PLA2G4B: variants seen among roughly 807,000 people sequenced by gnomAD.
The protein encoded by PLA2G4B is cytosolic phospholipase A2 beta.
In PLA2G4B, 122 loss-of-function variants were observed where a neutral mutation model predicts 95.8. The ratio of observed to expected loss-of-function variants is 1.27; its 90% CI spans 1.10 to 1.48. PLA2G4B has a LOEUF of 1.48. Among genes scored for constraint, PLA2G4B ranks in the 40% most tolerant of loss-of-function variants. PLA2G4B has a pLI of 0.00. For synonymous variants in PLA2G4B, 518 were observed against 421.5 expected, an observed-to-expected ratio of 1.23 and a Z score of -2.80; for missense variants, 1,158 against 996.2, an observed-to-expected ratio of 1.16 and a Z score of -2.19.
At chr15:41,839,864 C>T in intron 1 of PLA2G4B, 1 of 363,850 alleles carries the variant, frequency 2.7e-6, no homozygotes. Flanking sequence ...CCTCAGTTTC[C>T]TTGTGGAGTG....
chr15:41,847,634 G>C lies in PLA2G4B; in HGVS notation c.2135-15G>C, dbSNP rs1325214218. 1.9e-6 allele frequency: 3 copies of C among 1,613,542 alleles called. No homozygotes were observed. The highest frequency in any genetic ancestry group is 2.5e-6 in the Non-Finnish European group (3 of 1,180,014). On this transcript the variant is annotated splice_polypyrimidine_tract_variant and intron_variant, in intron 19 of 19. Coordinates refer to ENST00000458483, the MANE Select transcript of PLA2G4B (RefSeq NM_001114633.2). ...CACAACGTGTTCCCCATGCCAGGCT[G>C]CACTCTCTCCACAGGGGTCCGGCGG...
chr15:41,845,682 G>T lies in PLA2G4B; in HGVS notation c.1402G>T (p.Gly468Trp). ...CTACGAGGTCGGCTTCCCCAAGTACGGGGCCTTCATCCCCTCTGAGCTCTT... is the reference window on the plus strand; with the variant it reads ...CTACGAGGTCGGCTTCCCCAAGTACTGGGCCTTCATCCCCTCTGAGCTCTT... Reference protein sequence around the residue: ...SPYEVGFPKYGAFIPSELFGS... With the variant: ...SPYEVGFPKYWAFIPSELFGS... Residue 468 changes from glycine to tryptophan, a missense_variant, in exon 15 of 20, where the codon GGG becomes TGG. Transcript: ENST00000458483. 1.2e-6 allele frequency: 2 copies of T among 1,614,070 alleles called. No individual in the cohort carries two copies. Among genetic ancestry groups the T allele is most frequent in the Non-Finnish European group, 8.5e-7 (1 of 1,179,988 alleles).
rs771267376 is a variant in PLA2G4B at position 41,841,454 on chromosome 15, C to T, written c.436-63C>T. The T allele has an allele frequency of 1.2e-5, 19 of 1,612,246 alleles. No individual in the cohort carries two copies. In the Admixed American group the frequency reaches 1.5e-4, roughly 13 times the overall value. ...CAGACCAGCAGCAGCCAGGGTGCTG[C>T]GAGGGTGGGGTCCCTGAATGGGGGG... is the stretch of plus-strand genomic sequence containing the variant. On this transcript the variant is annotated intron_variant, in intron 6 of 19. Transcript: ENST00000458483.
chr15:41,844,725 C>A, intron 12 of PLA2G4B, 118 bp downstream of exon 12: 3 of 1,569,850 alleles, frequency 1.9e-6, no homozygotes, highest in Non-Finnish European at 2.6e-6. Context: ...CAGGGAGAAA[C>A]GTGCTCAAGG....
At position 41,845,205 on chromosome 15, in the gene PLA2G4B, C is replaced by T. The variant is rs2065515804; in HGVS notation, c.1242C>T (p.Pro414=). 6.2e-7 allele frequency: 1 copy of T among 1,614,010 alleles called. No individual in the cohort carries two copies. The highest frequency in any genetic ancestry group is 8.5e-7 in the Non-Finnish European group (1 of 1,180,002). Residue 414 remains proline, a splice_region_variant and synonymous_variant, in exon 14 of 20, where the codon CCC becomes CCT. Coordinates refer to ENST00000458483, the MANE Select transcript of PLA2G4B (RefSeq NM_001114633.2). ...AGGTTCTACGCATCTTTCCCCAGCC[C>T]CATGATCACAAGCTCTCAGATCAAC... ...LINEALLHDE[P]HDHKLSDQRE...
At chr15:41,841,160 G>T in intron 5 of PLA2G4B, 65 bp downstream of exon 5, 4 of 1,614,020 alleles carry the variant, frequency 2.5e-6, no homozygotes, top group Non-Finnish European at 3.4e-6. Context: ...ACTAGTGCCT[G>T]GGGGATGCCC....
intron 19 of PLA2G4B, 49 bp downstream of exon 19, chr15:41,847,572 T>A (rs781152365): frequency 6.2e-6 from 10 of 1,605,512 alleles, no homozygotes; most frequent in African/African-American, 2.7e-5. Flanking sequence ...CCCCCACACC[T>A]CCTCCGTCCC....
intron 1 of PLA2G4B, 49 bp from the exon 2 acceptor site, chr15:41,840,109 C>T (rs1352058845): frequency 1.9e-6 from 3 of 1,600,860 alleles, no homozygotes; most frequent in East Asian, 2.2e-5. Context: ...CCCCTGTCAC[C>T]CTTGGCTTCA....
Position 41,848,067 on chromosome 15 carries a change from C to CCCCGGCCTGTGCCTGTTTT in PLA2G4B, c.*211_*229dup. The CCCCGGCCTGTGCCTGTTTT allele has an allele frequency of 1.5e-6, 1 of 660,966 alleles. No homozygotes were observed. The highest frequency in any genetic ancestry group is 2.5e-6 in the Non-Finnish European group (1 of 393,506). The allele number at this position is 660,966 out of a possible 1,614,324, so 40.9% of individuals were successfully genotyped here. A position where few individuals can be genotyped will look rare whatever the true frequency, so the allele number is the denominator to read the frequency against. On this transcript the variant is annotated 3_prime_UTR_variant, in exon 20 of 20. Transcript: ENST00000458483. ...CCCATTTGTGTAATCACCCAAAACCCCCCGGCCTGTGCCTGTTTTCCCTTC... is the reference window on the plus strand; with the variant it reads ...CCCATTTGTGTAATCACCCAAAACCCCCCGGCCTGTGCCTGTTTTCCCGGCCTGTGCCTGTTTTCCCTTC...
intron 10 of PLA2G4B, 114 bp downstream of exon 10, chr15:41,842,705 T>C: frequency 6.7e-7 from 1 of 1,496,220 alleles, no homozygotes. Context: ...CCTCATGCTC[T>C]CTGAAGGGGC....
At chr15:41,844,638 T>C in intron 12 of PLA2G4B, 31 bp downstream of exon 12, 1 of 1,613,472 alleles carries the variant, frequency 6.2e-7, no homozygotes, top group Non-Finnish European at 8.5e-7. Context: ...TGCTGGACCC[T>C]GTGTGGCAGG....
In PLA2G4B at chr15:41,847,679, C is replaced by G. The variant is rs141655561; in HGVS notation, c.2165C>G (p.Ala722Gly). ...GVRRTPEEAA[A>G]GEVNLSSSDS... ...CGGCGGACACCCGAGGAGGCGGCAGCTGGGGAGGTGAACCTGTCTTCATCG... is the reference window on the plus strand; with the variant it reads ...CGGCGGACACCCGAGGAGGCGGCAGGTGGGGAGGTGAACCTGTCTTCATCG... The change falls in exon 20 of 20, where the codon GCT (alanine) becomes GGT (glycine). Residue 722 changes from alanine to glycine, a missense_variant. Ala to Gly is a moderately conservative substitution (Grantham distance 60). Transcript: ENST00000458483. 3 of 1,613,554 alleles carry G rather than the reference C, an allele frequency of 1.9e-6. No homozygotes were observed. The African/African-American group carries it at 4.0e-5, about 22-fold the overall frequency.
intron 1 of PLA2G4B, 25 bp from the exon 2 acceptor site, chr15:41,840,133 G>C: frequency 2.5e-6 from 4 of 1,611,454 alleles, no homozygotes; most frequent in Non-Finnish European, 3.4e-6. Flanking sequence ...GCCCGTAGCA[G>C]GTCTCCCCTC....
At position 41,845,703 on chromosome 15, in the gene PLA2G4B, C is replaced by CTCTTTGGCTCCGAGT; in HGVS notation, c.1429_1443dup (p.Gly477_Phe481dup). 1 of 1,613,496 alleles carries CTCTTTGGCTCCGAGT rather than the reference C, an allele frequency of 6.2e-7. No individual in the cohort carries two copies. The highest frequency in any genetic ancestry group is 2.2e-5 in the East Asian group (1 of 44,882). ...GTACGGGGCCTTCATCCCCTCTGAG[C>CTCTTTGGCTCCGAGT]TCTTTGGCTCCGAGTTCTTTATGGG... On this transcript the variant is annotated inframe_insertion, in exon 15 of 20. Coordinates refer to ENST00000458483, the MANE Select transcript of PLA2G4B (RefSeq NM_001114633.2).
At chr15:41,839,977 C>A in intron 1 of PLA2G4B, 181 bp from the exon 2 acceptor site, 1 of 693,234 alleles carries the variant, frequency 1.4e-6, no homozygotes, top group Non-Finnish European at 2.3e-6. Flanking sequence ...TGTGTAAGTG[C>A]TGGCAGGCGT....
Position 41,845,330 on chromosome 15 carries a change from C to T in PLA2G4B, c.1357+10C>T. On this transcript the variant is annotated intron_variant, in intron 14 of 19. Coordinates refer to ENST00000458483, the MANE Select transcript of PLA2G4B (RefSeq NM_001114633.2). ...ACTTTTGAATTTGGGGGTGAGTGGC[C>T]CAAGAGCTGAGACCTGTGCCCTTGC... is the stretch of plus-strand genomic sequence containing the variant. The T allele has an allele frequency of 1.2e-6, 2 of 1,613,160 alleles. No homozygotes were observed. The highest frequency in any genetic ancestry group is 1.3e-5 in the African/African-American group (1 of 75,022).
chr15:41,843,407 C>G (rs2065472850), intron 10 of PLA2G4B, among the ~76,000 whole-genome samples: 1 of 152,120 alleles, frequency 6.6e-6, no homozygotes, highest in Non-Finnish European at 1.5e-5. Flanking sequence ...ATGGGGCCTG[C>G]CTGGGGGCCT....
At position 41,846,263 on chromosome 15, in the gene PLA2G4B, C is replaced by CTGAG. The variant is rs771184696; in HGVS notation, c.1663_1666dup (p.Phe556Ter). 4 of 1,613,998 alleles carry CTGAG rather than the reference C, an allele frequency of 2.5e-6. No individual in the cohort carries two copies. The highest frequency in any genetic ancestry group is 2.7e-5 in the African/African-American group (2 of 74,950). ...CCACCCTCAACAGCCGGCAGGATAG[C>CTGAG]TGAGTTTTTCACCGATCTTCTGACG... On this transcript the variant is annotated frameshift_variant, in exon 17 of 20. Coordinates refer to ENST00000458483, the MANE Select transcript of PLA2G4B (RefSeq NM_001114633.2). LOFTEE classifies it high-confidence loss of function.
Position 41,840,756 on chromosome 15 carries a change from C to G in PLA2G4B, c.220-18C>G. 1 of 1,612,240 alleles carries G rather than the reference C, an allele frequency of 6.2e-7. No individual in the cohort carries two copies. On this transcript the variant is annotated intron_variant, in intron 3 of 19. Transcript: ENST00000458483. ...TGTCCCCTCCCTCCTGCAGCCCTGT[C>G]ACTCTTTTCCCCTCCAGAATGTCAT...
Sources: gnomAD v4.1 joint callset for allele counts (sites outside exome capture counted in the v4.1 genomes callset) on GRCh38, gnomAD v4.1.1 for gene constraint, MANE v1.5 for transcripts, NCBI Gene and HGNC (gene_info 2026-07-23, HGNC 2026-07-21) for gene names.